The following PALM2AKAP2 variants were observed in gnomAD, a reference collection of about 807,000 sequenced individuals.
The protein encoded by PALM2AKAP2 is PALM2-AKAP2 fusion protein.
A neutral mutation model predicts 71.5 loss-of-function variants in PALM2AKAP2; 37 were observed. The ratio of observed to expected loss-of-function variants is 0.52; its 90% CI spans 0.40 to 0.68. The LOEUF (loss-of-function observed/expected upper bound fraction) is 0.68, where lower values mean the gene tolerates loss of function less well. Among genes scored for constraint, PALM2AKAP2 ranks in the 30% least tolerant of loss-of-function variants. The probability of loss-of-function intolerance (pLI) is 0.00; values close to 1 mark genes in which losing one functional copy is unlikely to be tolerated. For missense variants in PALM2AKAP2, 1,224 were observed against 1,191.8 expected (o/e 1.03, Z -0.40); for synonymous variants, 468 against 478.8 (o/e 0.98, Z 0.29).
chr9:109,827,883 G>A (rs186763532), intron 1 of PALM2AKAP2, among the ~76,000 whole-genome samples: 1 of 151,714 alleles, frequency 6.6e-6, no homozygotes, highest in Admixed American at 6.5e-5. Context: ...AGGGAAAAAA[G>A]GTCTCTGCCT....
intron 1 of PALM2AKAP2, among the ~76,000 whole-genome samples, chr9:109,773,917 T>C (rs558092555): frequency 7.0e-5 from 6 of 86,130 alleles, no homozygotes; most frequent in African/African-American, 4.1e-4. Flanking sequence ...CCTCTGTCAT[T>C]CCCAAAGGTG....
rs149716971 is a variant in PALM2AKAP2 at position 110,136,442 on chromosome 9, G to A, written c.472G>A (p.Val158Met). The A allele has an allele frequency of 2.4e-4, 384 of 1,614,182 alleles. No individual in the cohort carries two copies. The African/African-American group carries it at 4.7e-3, about 20-fold the overall frequency. ...AGAGGCCAACTGCTGTGATTCTGCT[G>A]TGGATGGAACGTACAATGGAACATC... is the stretch of plus-strand genomic sequence containing the variant. Residue 158 changes from valine to methionine, a missense_variant, in exon 2 of 4, where the codon GTG (valine) becomes ATG (methionine). By Grantham distance (21) the Val-to-Met change is conservative. Transcript: ENST00000374525.
intron 1 of PALM2AKAP2, among the ~76,000 whole-genome samples, chr9:109,712,349 G>T (rs945779563): frequency 1.3e-5 from 2 of 152,180 alleles, no homozygotes; most frequent in South Asian, 4.1e-4. Context: ...GCAAGCTGAT[G>T]CTCAAGTCAC....
chr9:110,114,234 A>C (rs1835313534), intron 1 of PALM2AKAP2, among the ~76,000 whole-genome samples: 2 of 152,138 alleles, frequency 1.3e-5, no homozygotes, highest in African/African-American at 4.8e-5. Context: ...AGCAATGTGT[A>C]ACATTTCTTG....
intron 1 of PALM2AKAP2, among the ~76,000 whole-genome samples, chr9:109,842,456 G>T (rs1828722799): frequency 6.6e-6 from 1 of 152,166 alleles, no homozygotes; most frequent in Non-Finnish European, 1.5e-5. Flanking sequence ...GCCACTTCTG[G>T]TGAGGCGGGT....
rs1564273442 is a variant in PALM2AKAP2, at chr9:110,039,132, C to G, written c.582+23093C>G. The stretch of plus-strand genomic sequence containing the variant: ...GGCATGCTGGCACATGCCTATAGAC[C>G]CAGCTACGCAGGAGGCTGAGGTGGG... On this transcript the variant is annotated intron_variant, in intron 7 of 9. Transcript: ENST00000302798. Among the ~76,000 whole-genome samples, 10 of 151,988 alleles carry G rather than the reference C, an allele frequency of 6.6e-5. No homozygotes were observed. In the South Asian group the frequency reaches 2.1e-3, roughly 32 times the overall value.
chr9:109,799,168 C>G (rs12686670), intron 1 of PALM2AKAP2, among the ~76,000 whole-genome samples: 24,770 of 152,148 alleles, frequency 0.16, 2,619 homozygotes, highest in East Asian at 0.34. Flanking sequence ...GGCAAAGTGA[C>G]AAGGTTTGTG....
chr9:109,853,116 C>T (rs1197298728), intron 1 of PALM2AKAP2, among the ~76,000 whole-genome samples: 1 of 152,078 alleles, frequency 6.6e-6, no homozygotes, highest in East Asian at 1.9e-4. Context: ...GTTACCTAAC[C>T]TCTCTCAGCC....
intron 6 of PALM2AKAP2, among the ~76,000 whole-genome samples, chr9:110,001,770 G>A (rs575584867): frequency 9.2e-5 from 14 of 152,166 alleles, no homozygotes; most frequent in Admixed American, 3.9e-4. Flanking sequence ...TATTCTCTTC[G>A]AAGCAATTGT....
intron 1 of PALM2AKAP2, among the ~76,000 whole-genome samples, chr9:110,119,341 CA>C (rs200861093): frequency 0.22 from 19,267 of 88,748 alleles, 951 homozygotes; most frequent in African/African-American, 0.24. Context: ...GACTCCATCT[CA>C]AAAAAAAAAA....
intron 7 of PALM2AKAP2, among the ~76,000 whole-genome samples, chr9:110,036,801 C>T (rs1833419023): frequency 6.6e-6 from 1 of 152,110 alleles, no homozygotes; most frequent in South Asian, 2.1e-4. Flanking sequence ...AACATGATTG[C>T]TCAGTGTCCC....
exon 2 of PALM2AKAP2, chr9:110,137,325 A>G (rs771684808): frequency 3.1e-6 from 5 of 1,613,974 alleles, no homozygotes; most frequent in Admixed American, 1.7e-5. Context: ...GGGTCAGTCA[A>G]CTCAGACAAG....
intron 1 of PALM2AKAP2, among the ~76,000 whole-genome samples, chr9:109,842,004 A>T (rs1416788906): frequency 6.6e-6 from 1 of 151,124 alleles, no homozygotes; most frequent in Admixed American, 6.6e-5. Context: ...GGAGGTGGGA[A>T]AAAAAGAGGC....
intron 3 of PALM2AKAP2, among the ~76,000 whole-genome samples, chr9:109,919,881 C>G (rs372967694): frequency 2.6e-5 from 4 of 152,102 alleles, no homozygotes; most frequent in African/African-American, 9.7e-5. Flanking sequence ...GTCATTTATT[C>G]TTGCCCACAC....
At chr9:110,155,003 C>T (rs754037923) in intron 2 of PALM2AKAP2, among the ~76,000 whole-genome samples, 6 of 152,180 alleles carry the variant, frequency 3.9e-5, no homozygotes, top group Admixed American at 2.0e-4. Context: ...TATAGTCAGT[C>T]ACGTAGCCAA....
intron 6 of PALM2AKAP2, among the ~76,000 whole-genome samples, chr9:109,957,992 G>A (rs1831780442): frequency 6.6e-6 from 1 of 152,178 alleles, no homozygotes; most frequent in Non-Finnish European, 1.5e-5. Flanking sequence ...TTGGCCAGCT[G>A]AGTAATCTTA....
intron 5 of PALM2AKAP2, 37 bp from the exon 6 acceptor site, chr9:109,931,890 A>G (rs1343528026): frequency 6.2e-7 from 1 of 1,608,602 alleles, no homozygotes; most frequent in Admixed American, 1.7e-5. Flanking sequence ...GCCTCCCAAC[A>G]CTGTGACTAA....
chr9:109,850,740 C>A (rs1828986728), intron 1 of PALM2AKAP2, among the ~76,000 whole-genome samples: 1 of 152,172 alleles, frequency 6.6e-6, no homozygotes, highest in Non-Finnish European at 1.5e-5. Context: ...AATGCTGAGG[C>A]TTTTAACAAA....
At chr9:110,098,005 A>G (rs1834896197) in intron 1 of PALM2AKAP2, among the ~76,000 whole-genome samples, 2 of 145,102 alleles carry the variant, frequency 1.4e-5, no homozygotes, top group Admixed American at 1.3e-4. Flanking sequence ...CCCAAAAAAT[A>G]CGAAAACCAG....
Sources: gnomAD v4.1 joint callset for allele counts (sites outside exome capture counted in the v4.1 genomes callset) on GRCh38, gnomAD v4.1.1 for gene constraint, MANE v1.5 for transcripts, NCBI Gene and HGNC (gene_info 2026-07-23, HGNC 2026-07-21) for gene names.